Variants in TAB2 observed in about 807,000 individuals in gnomAD.
TAB2 encodes the protein TGF-beta activated kinase 1 (MAP3K7) binding protein 2.
In TAB2, 3 loss-of-function variants were observed where a neutral mutation model predicts 65.0. The ratio of observed to expected loss-of-function variants is 0.05; its 90% CI spans 0.02 to 0.12. The LOEUF (loss-of-function observed/expected upper bound fraction) is 0.12, where lower values mean the gene tolerates loss of function less well. Among genes scored for constraint, TAB2 ranks in the 10% least tolerant of loss-of-function variants. TAB2 has a pLI of 1.00. For synonymous variants in TAB2, 298 were observed against 285.1 expected, an observed-to-expected ratio of 1.05 and a Z score of -0.46; for missense variants, 623 against 840.3, an observed-to-expected ratio of 0.74 and a Z score of 3.20.
intron 1 of TAB2, among the ~76,000 whole-genome samples, chr6:149,334,129 T>C (rs1236715106): frequency 1.3e-5 from 2 of 152,234 alleles, no homozygotes; most frequent in Admixed American, 6.5e-5. Context: ...ATTTTTGTTA[T>C]AACTCTTCAC....
chr6:149,261,752 A>G lies in TAB2; in HGVS notation c.-121+42976A>G, dbSNP rs554765484. 3.9e-5 allele frequency among the ~76,000 whole-genome samples: 6 copies of G among 152,372 alleles called. No homozygotes were observed. In the South Asian group the frequency reaches 8.3e-4, roughly 21 times the overall value. On this transcript the variant is annotated intron_variant, in intron 1 of 1. Transcript: ENST00000606202. The stretch of plus-strand genomic sequence containing the variant: ...GGGATCATGTCTCCTCTAGAGAACA[A>G]CTAAGTTAAGCTGATCCAGCTGAGA...
intron 1 of TAB2, among the ~76,000 whole-genome samples, chr6:149,262,131 A>G (rs1778164579): frequency 6.6e-6 from 1 of 152,244 alleles, no homozygotes; most frequent in African/African-American, 2.4e-5. Context: ...TTAGCAGAGA[A>G]GTTTTACATA....
chr6:149,256,950 A>C (rs1778049915), intron 1 of TAB2, among the ~76,000 whole-genome samples: 1 of 152,234 alleles, frequency 6.6e-6, no homozygotes, highest in Non-Finnish European at 1.5e-5. Flanking sequence ...AGTCAGTTTA[A>C]ATTAATTTGG....
At chr6:149,259,372 C>CACAT (rs1292265894) in intron 1 of TAB2, among the ~76,000 whole-genome samples, 1 of 148,522 alleles carries the variant, frequency 6.7e-6, no homozygotes. Context: ...CACACACACA[C>CACAT]ATACACACAA....
At chr6:149,234,032 T>C (rs1777451802) in intron 1 of TAB2, among the ~76,000 whole-genome samples, 1 of 152,246 alleles carries the variant, frequency 6.6e-6, no homozygotes, top group Non-Finnish European at 1.5e-5. Context: ...TTTATGATTT[T>C]TTTAACCTTT....
chr6:149,287,079 T>C (rs751184796), intron 1 of TAB2, among the ~76,000 whole-genome samples: 1 of 152,170 alleles, frequency 6.6e-6, no homozygotes, highest in African/African-American at 2.4e-5. Flanking sequence ...ACGGAGCCAC[T>C]GCACTCCAGC....
intron 1 of TAB2, among the ~76,000 whole-genome samples, chr6:149,275,237 A>AG (rs1491494087): frequency 2.0e-4 from 11 of 54,116 alleles, no homozygotes; most frequent in East Asian, 4.8e-4. Context: ...AGAGAGAGAG[A>AG]AAGAAAGAAA....
chr6:149,231,806 C>A (rs1182498857), intron 1 of TAB2, among the ~76,000 whole-genome samples: 1 of 152,154 alleles, frequency 6.6e-6, no homozygotes, highest in Non-Finnish European at 1.5e-5. Flanking sequence ...GCTCAAACAT[C>A]AGGGGAGCAG....
At chr6:149,374,410 A>G (rs1435706470) in intron 2 of TAB2, among the ~76,000 whole-genome samples, 2 of 151,992 alleles carry the variant, frequency 1.3e-5, no homozygotes, top group African/African-American at 4.8e-5. Context: ...TTTTTTAGAG[A>G]CAGGGTCTCA....
chr6:149,322,667 ATGT>A (rs900834438), intron 1 of TAB2, among the ~76,000 whole-genome samples: 4 of 152,204 alleles, frequency 2.6e-5, no homozygotes, highest in African/African-American at 7.2e-5. Flanking sequence ...ATTGTGTCGT[ATGT>A]TGTTGAATAG....
intron 1 of TAB2, among the ~76,000 whole-genome samples, chr6:149,361,895 A>ATG (rs2114836154): frequency 6.6e-6 from 1 of 152,338 alleles, no homozygotes; most frequent in South Asian, 2.1e-4. Flanking sequence ...CATGAACACA[A>ATG]TACAGCCAAG....
intron 1 of TAB2, chr6:149,321,105 G>C (rs1335834386): frequency 6.6e-6 from 1 of 152,180 alleles, no homozygotes; most frequent in Non-Finnish European, 1.5e-5. Context: ...TGGCTGCCAA[G>C]CACAGGAAAA....
At chr6:149,358,124 T>A (rs1359289398) in intron 1 of TAB2, among the ~76,000 whole-genome samples, 1 of 152,234 alleles carries the variant, frequency 6.6e-6, no homozygotes, top group Non-Finnish European at 1.5e-5. Context: ...GAAATGTGTG[T>A]ATATAAGTTG....
intron 1 of TAB2, among the ~76,000 whole-genome samples, chr6:149,280,777 A>G (rs1380132541): frequency 6.6e-6 from 1 of 152,010 alleles, no homozygotes; most frequent in African/African-American, 2.4e-5. Context: ...TCATCTCTAC[A>G]AAAAATTAGT....
At chr6:149,288,854 A>ATTTTT (rs71007938) in intron 1 of TAB2, among the ~76,000 whole-genome samples, 1 of 115,370 alleles carries the variant, frequency 8.7e-6, no homozygotes, top group African/African-American at 3.6e-5. Context: ...TTAATTTTTA[A>ATTTTT]TTTTTTTTTT....
At chr6:149,330,944 C>G (rs903974360) in intron 1 of TAB2, among the ~76,000 whole-genome samples, 2 of 152,128 alleles carry the variant, frequency 1.3e-5, no homozygotes, top group South Asian at 2.1e-4. Flanking sequence ...TTGTGAGGAT[C>G]TATTTCTGGA....
chr6:149,399,036 C>A, intron 5 of TAB2, 68 bp from the exon 6 acceptor site: 2 of 1,350,902 alleles, frequency 1.5e-6, no homozygotes, highest in South Asian at 2.4e-5. Flanking sequence ...GAAAGAAATA[C>A]TTGTTTTAAA....
At chr6:149,320,188 C>T (rs1221575761) in intron 1 of TAB2, among the ~76,000 whole-genome samples, 2 of 152,048 alleles carry the variant, frequency 1.3e-5, no homozygotes, top group South Asian at 2.1e-4. Context: ...GGGATTCTCC[C>T]GCCTCAGCCT....
At chr6:149,254,906 C>T (rs998002582) in intron 1 of TAB2, among the ~76,000 whole-genome samples, 5 of 152,096 alleles carry the variant, frequency 3.3e-5, no homozygotes, top group East Asian at 1.9e-4. Context: ...ATGTAACTAC[C>T]GTATCTAATT....
Sources: allele counts gnomAD v4.1 joint callset (sites outside exome capture counted in the v4.1 genomes callset), GRCh38; gene constraint gnomAD v4.1.1; transcripts MANE v1.5; gene names NCBI Gene and HGNC (gene_info 2026-07-23, HGNC 2026-07-21).